Variants in GRM1 observed in about 807,000 individuals in gnomAD.
GRM1 encodes the protein glutamate metabotropic receptor 1, also known as metabotropic glutamate receptor 1.
Under a neutral mutation model 90.9 loss-of-function variants are expected in GRM1, and 33 were observed. That is an observed-to-expected ratio of 0.36 (90% CI 0.28 to 0.49). GRM1 has a LOEUF of 0.49. Among genes scored for constraint, GRM1 ranks in the 20% least tolerant of loss-of-function variants. The pLI, the probability that GRM1 is intolerant of heterozygous loss-of-function variation, is 0.99. For synonymous variants in GRM1, 700 were observed against 613.2 expected, an observed-to-expected ratio of 1.14 and a Z score of -2.09; for missense variants, 1,190 against 1,534.3, an observed-to-expected ratio of 0.78 and a Z score of 3.75.
intron 2 of GRM1, among the ~76,000 whole-genome samples, chr6:146,220,536 T>G (rs1738689860): frequency 6.6e-6 from 1 of 152,202 alleles, no homozygotes; most frequent in African/African-American, 2.4e-5. Context: ...ATTCATTATC[T>G]TCATCTGTAG....
rs191333063 is a variant in GRM1 at position 146,267,677 on chromosome 6, G to T, written c.951-36934G>T. ...GCTGGGCTGGGCTGGGCTGGGCTGG[G>T]CTGGGCTCGGCTCGGCTCGGCTCGG... On this transcript the variant is annotated intron_variant, in intron 2 of 7. Coordinates refer to ENST00000282753, the MANE Select transcript of GRM1 (RefSeq NM_001278064.2). Among the ~76,000 whole-genome samples, 425 of 108,274 alleles carry T rather than the reference G, an allele frequency of 3.9e-3. 7 individuals are homozygous for T. Among genetic ancestry groups the T allele is most frequent in the Middle Eastern group, 0.025 (6 of 242 alleles). 71.0% of individuals were successfully genotyped at this position (108,274 alleles called of 152,430 possible).
intron 4 of GRM1, 21 bp from the exon 5 acceptor site, chr6:146,357,505 T>G: frequency 6.3e-7 from 1 of 1,592,056 alleles, no homozygotes. Context: ...CTATAAGACA[T>G]GCACATTGTG....
chr6:146,142,722 C>G (rs1261678350), intron 1 of GRM1, among the ~76,000 whole-genome samples: 1 of 151,070 alleles, frequency 6.6e-6, no homozygotes, highest in African/African-American at 2.4e-5. Flanking sequence ...TATGTTCACT[C>G]AAGCCCTACA....
At chr6:146,369,667 T>G (rs1245883568) in intron 5 of GRM1, among the ~76,000 whole-genome samples, 1 of 152,092 alleles carries the variant, frequency 6.6e-6, no homozygotes, top group Admixed American at 6.6e-5. Context: ...TTTATTCTAT[T>G]GTGATCTGAA....
intron 2 of GRM1, among the ~76,000 whole-genome samples, chr6:146,263,878 A>T (rs1256975123): frequency 2.6e-5 from 4 of 152,130 alleles, no homozygotes; most frequent in Non-Finnish European, 1.5e-5. Context: ...CTGTAATGAC[A>T]TTAAAAGTCA....
At chr6:146,234,077 G>T (rs868848499) in intron 2 of GRM1, among the ~76,000 whole-genome samples, 16 of 151,778 alleles carry the variant, frequency 1.1e-4, no homozygotes, top group African/African-American at 3.9e-4. Context: ...TTTAGTAATT[G>T]TTTTCAAGGT....
chr6:146,073,906 A>AT (rs759141672), intron 1 of GRM1, among the ~76,000 whole-genome samples: 9 of 152,144 alleles, frequency 5.9e-5, no homozygotes, highest in Non-Finnish European at 1.3e-4. Context: ...AGAGATGTCC[A>AT]TATGTGGAGA....
At chr6:146,048,106 C>T (rs1791399149) in intron 1 of GRM1, among the ~76,000 whole-genome samples, 1 of 152,002 alleles carries the variant, frequency 6.6e-6, no homozygotes, top group Admixed American at 6.6e-5. Context: ...GCAGGTAAAG[C>T]ACTCCATACA....
intron 2 of GRM1, among the ~76,000 whole-genome samples, chr6:146,250,324 A>G (rs1441666540): frequency 6.6e-6 from 1 of 152,164 alleles, no homozygotes; most frequent in Non-Finnish European, 1.5e-5. Flanking sequence ...CTCAAATTGC[A>G]ATCACCATAA....
intron 2 of GRM1, among the ~76,000 whole-genome samples, chr6:146,271,554 G>A (rs1192755134): frequency 1.3e-5 from 2 of 152,164 alleles, no homozygotes; most frequent in Non-Finnish European, 2.9e-5. Context: ...TGAGAGGTAG[G>A]TGGTCTTTTG....
At chr6:146,140,089 T>TCTTCTTTC (rs1412796494) in intron 1 of GRM1, among the ~76,000 whole-genome samples, 3 of 64,166 alleles carry the variant, frequency 4.7e-5, no homozygotes, top group Admixed American at 1.6e-4. Flanking sequence ...TTTCTTTCTT[T>TCTTCTTTC]ATTCTTTCTT....
chr6:146,395,308 A>T (rs552346557), intron 6 of GRM1, among the ~76,000 whole-genome samples: 1 of 152,218 alleles, frequency 6.6e-6, no homozygotes, highest in African/African-American at 2.4e-5. Flanking sequence ...CTACCTACAG[A>T]GGGAGAGAAT....
chr6:146,390,961 G>C (rs1317374290), intron 6 of GRM1, among the ~76,000 whole-genome samples: 1 of 151,910 alleles, frequency 6.6e-6, no homozygotes, highest in East Asian at 1.9e-4. Context: ...AATTTCACCT[G>C]GTAGAATTTC....
chr6:146,410,281 G>A (rs573474700), intron 7 of GRM1, among the ~76,000 whole-genome samples: 5 of 152,102 alleles, frequency 3.3e-5, no homozygotes, highest in Non-Finnish European at 5.9e-5. Flanking sequence ...ATACAGAGTC[G>A]ACTATTTTGC....
chr6:146,135,572 A>G (rs1326071023), intron 1 of GRM1, among the ~76,000 whole-genome samples: 1 of 152,230 alleles, frequency 6.6e-6, no homozygotes, highest in African/African-American at 2.4e-5. Context: ...AGGGCAGTGC[A>G]AGAACTTGCA....
intron 2 of GRM1, among the ~76,000 whole-genome samples, chr6:146,198,689 G>A (rs1255127014): frequency 1.3e-5 from 2 of 152,128 alleles, no homozygotes; most frequent in African/African-American, 4.8e-5. Context: ...AATGCTTTGG[G>A]TTTCTGAGTA....
At chr6:146,119,410 T>C (rs1775893874) in intron 1 of GRM1, among the ~76,000 whole-genome samples, 1 of 152,334 alleles carries the variant, frequency 6.6e-6, no homozygotes, top group East Asian at 1.9e-4. Flanking sequence ...ACTCTGATGG[T>C]AGTTTCTTTG....
chr6:146,218,386 G>T (rs958661034), intron 2 of GRM1, among the ~76,000 whole-genome samples: 1 of 152,168 alleles, frequency 6.6e-6, no homozygotes, highest in African/African-American at 2.4e-5. Context: ...TTTTGAAGCA[G>T]AAAGTCATTT....
At chr6:146,280,111 G>A (rs1473078142) in intron 2 of GRM1, among the ~76,000 whole-genome samples, 1 of 151,610 alleles carries the variant, frequency 6.6e-6, no homozygotes, top group Non-Finnish European at 1.5e-5. Flanking sequence ...CATCTTCTTG[G>A]ACTTCAATTA....
Sources: allele counts gnomAD v4.1 joint callset (sites outside exome capture counted in the v4.1 genomes callset), GRCh38; gene constraint gnomAD v4.1.1; transcripts MANE v1.5; gene names NCBI Gene and HGNC (gene_info 2026-07-23, HGNC 2026-07-21).